The following DCAF6 variants were observed in gnomAD, a reference collection of about 807,000 sequenced individuals.
DCAF6 encodes DDB1- and CUL4-associated factor 6.
A neutral mutation model predicts 125.1 loss-of-function variants in DCAF6; 54 were observed. The observed-to-expected ratio is 0.43, with a 90% CI of 0.35 to 0.54. The LOEUF is 0.54. DCAF6 is among the 20% of genes least tolerant of loss of function. The pLI is 0.01. For missense variants in DCAF6, 934 were observed against 1,161.7 expected, an observed-to-expected ratio of 0.80 and a Z score of 2.85; for synonymous variants, 371 against 390.4, an observed-to-expected ratio of 0.95 and a Z score of 0.58.
intron 17 of DCAF6, chr1:168,056,204 A>G (rs6657295): frequency 0.16 from 252,780 of 1,582,144 alleles, 17 homozygotes; most frequent in South Asian, 0.21. Flanking sequence ...CCTGTGCAAA[A>G]TTGCTGATTC....
At chr1:168,039,073 G>A (rs1300065079) in intron 13 of DCAF6, among the ~76,000 whole-genome samples, 1 of 151,730 alleles carries the variant, frequency 6.6e-6, no homozygotes, top group African/African-American at 2.4e-5. Context: ...CAGTAAATTT[G>A]TTTACCATTT....
chr1:168,075,186 A>T (rs1693663064), intron 21 of DCAF6, among the ~76,000 whole-genome samples, 185 bp from the exon 22 acceptor site: 1 of 152,202 alleles, frequency 6.6e-6, no homozygotes, highest in South Asian at 2.1e-4. Context: ...CATGTTTTAG[A>T]ATAACATGCA....
intron 21 of DCAF6, among the ~76,000 whole-genome samples, chr1:168,073,316 G>A (rs1025817367): frequency 2.7e-4 from 41 of 152,160 alleles, no homozygotes; most frequent in Admixed American, 6.5e-4. Context: ...TAACTGCTTT[G>A]CAGCCTTACT....
chr1:168,037,098 C>T (rs1687913668), intron 12 of DCAF6, among the ~76,000 whole-genome samples: 1 of 139,506 alleles, frequency 7.2e-6, no homozygotes, highest in South Asian at 2.1e-4. Context: ...TGAGATTCTC[C>T]CCCCCCTTTT....
intron 4 of DCAF6, 105 bp downstream of exon 4, chr1:167,975,120 A>G (rs906278977): frequency 8.1e-6 from 5 of 613,904 alleles, no homozygotes; most frequent in Admixed American, 3.9e-5. Flanking sequence ...ATGTGTGTGT[A>G]TGCACATTTG....
At chr1:167,947,308 GA>G in intron 1 of DCAF6, among the ~76,000 whole-genome samples, 1 of 147,792 alleles carries the variant, frequency 6.8e-6, no homozygotes, top group East Asian at 2.0e-4. Context: ...TTATCTCTTT[GA>G]GGAACCAGCT....
chr1:167,937,152 C>A (rs1451813170), intron 1 of DCAF6, 144 bp downstream of exon 1: 2 of 674,318 alleles, frequency 3.0e-6, no homozygotes, highest in East Asian at 2.8e-5. Context: ...CCTTGGTTGC[C>A]GAATTCCGTG....
In DCAF6 at chr1:168,045,295, G is replaced by T. The variant is rs433173; in HGVS notation, c.2258+68G>T. The T allele has an allele frequency of 0.037, 51,386 of 1,389,136 alleles. 7,344 individuals carry two copies. In the African/African-American group the frequency reaches 0.44, roughly 12 times the overall value. 86.1% of individuals were successfully genotyped at this position (1,389,136 alleles called of 1,614,324 possible). A position where few individuals can be genotyped will look rare whatever the true frequency, so the allele number is the denominator to read the frequency against. ...TCACAAGGATTTGTTTGAAGTCATT[G>T]AAGGGAATCTCTCCATTTTTGACAG... On this transcript the variant is annotated intron_variant, in intron 16 of 21. Transcript: ENST00000367840.
the DCAF6 span, among the ~76,000 whole-genome samples, chr1:167,889,571 G>C: frequency 2.6e-5 from 4 of 152,108 alleles, no homozygotes; most frequent in Non-Finnish European, 5.9e-5. Context: ...TTTGGTATCA[G>C]GGTAATACTG....
At chr1:167,988,122 T>C (rs1680276507) in intron 5 of DCAF6, among the ~76,000 whole-genome samples, 1 of 152,006 alleles carries the variant, frequency 6.6e-6, no homozygotes, top group South Asian at 2.1e-4. Context: ...AGATAATATC[T>C]CTACTATCAG....
chr1:168,030,484 C>A (rs554155615), intron 12 of DCAF6, among the ~76,000 whole-genome samples: 1 of 152,160 alleles, frequency 6.6e-6, no homozygotes, highest in Admixed American at 6.5e-5. Context: ...ATGGCTATGG[C>A]CTGATACTCT....
intron 10 of DCAF6, among the ~76,000 whole-genome samples, chr1:168,012,533 A>G (rs1684445690): frequency 6.6e-6 from 1 of 152,240 alleles, no homozygotes; most frequent in Non-Finnish European, 1.5e-5. Context: ...CCAAGCATTT[A>G]TCTACATTTA....
At chr1:167,931,460 TTA>T (rs954459482), upstream of DCAF6, among the ~76,000 whole-genome samples, 2 of 152,246 alleles carry the variant, frequency 1.3e-5, no homozygotes, top group Admixed American at 1.3e-4. Context: ...TCTATTTTAG[TTA>T]TCTCTTAACT....
intron 2 of DCAF6, among the ~76,000 whole-genome samples, chr1:167,954,910 C>T (rs1674537503): frequency 6.6e-6 from 1 of 152,138 alleles, no homozygotes; most frequent in Admixed American, 6.5e-5. Flanking sequence ...CCCATGTGCC[C>T]TCTCATTCCT....
chr1:167,905,328 C>T, the DCAF6 span: 1 of 735,290 alleles, frequency 1.4e-6, no homozygotes, highest in Non-Finnish European at 2.3e-6. Context: ...GTTGTTGAGC[C>T]ACACTTCAAA....
the DCAF6 span, among the ~76,000 whole-genome samples, chr1:167,884,292 G>T: frequency 2.0e-5 from 3 of 152,152 alleles, no homozygotes; most frequent in African/African-American, 7.2e-5. Flanking sequence ...GGCAGAAGAC[G>T]AAGGAGAAGC....
At chr1:168,067,615 T>C (rs984752948) in intron 20 of DCAF6, among the ~76,000 whole-genome samples, 2 of 152,164 alleles carry the variant, frequency 1.3e-5, no homozygotes, top group African/African-American at 4.8e-5. Flanking sequence ...CAAAAGTAGC[T>C]TAATCAAACT....
intron 13 of DCAF6, among the ~76,000 whole-genome samples, chr1:168,041,892 GCGCACACA>G (rs200967132): frequency 0.13 from 14,976 of 119,736 alleles, 860 homozygotes; most frequent in African/African-American, 0.14. Context: ...CATGTTTGTC[GCGCACACA>G]CACACACACA....
chr1:167,870,146 A>C, the DCAF6 span: 1 of 1,206,940 alleles, frequency 8.3e-7, no homozygotes, highest in Admixed American at 1.7e-5. Flanking sequence ...GGCATCCAAT[A>C]ATTGTAGGTT....
Sources: allele counts gnomAD v4.1 joint callset (sites outside exome capture counted in the v4.1 genomes callset), GRCh38; gene constraint gnomAD v4.1.1; transcripts MANE v1.5; gene names NCBI Gene and HGNC (gene_info 2026-07-23, HGNC 2026-07-21).